Variants in MYOCD observed in about 807,000 individuals in gnomAD.
MYOCD encodes myocardin.
A neutral mutation model predicts 96.1 loss-of-function variants in MYOCD; 32 were observed. The ratio of observed to expected loss-of-function variants is 0.33; its 90% CI spans 0.25 to 0.45. The LOEUF (loss-of-function observed/expected upper bound fraction) is 0.45. MYOCD is among the 20% of genes least tolerant of loss of function. The pLI is 1.00. For missense variants in MYOCD, 1,133 were observed against 1,200.6 expected (o/e 0.94, Z 0.83); for synonymous variants, 469 against 469.0 (o/e 1.00, Z 0.00).
chr17:12,758,198 A>C lies in MYOCD; in HGVS notation c.2316A>C (p.Glu772Asp), dbSNP rs1327919864. ...ISEVTQPPSY[E>D]DAVKQQMTRS... The stretch of plus-strand genomic sequence containing the variant: ...AGGTAACACAGCCTCCATCCTATGA[A>C]GATGCCGTAAAGCAGGTAACCATGT... The change falls in exon 12 of 14, where the codon GAA becomes GAC. Residue 772 changes from glutamate (E) to aspartate (D), a missense_variant. By Grantham distance (45) the Glu-to-Asp change is conservative (BLOSUM62 2). Transcript: ENST00000425538. 1.9e-6 allele frequency: 3 copies of C among 1,614,002 alleles called. No homozygotes were observed. Among genetic ancestry groups the C allele is most frequent in the Non-Finnish European group, 2.5e-6 (3 of 1,179,960 alleles).
chr17:12,736,433 T>G (rs1189645781), intron 6 of MYOCD, 97 bp downstream of exon 6: 20 of 1,305,540 alleles, frequency 1.5e-5, no homozygotes, highest in Non-Finnish European at 2.0e-5. Context: ...CTGGTTTTGC[T>G]TAGAGAATGC....
chr17:12,746,622 G>A (rs183449502), intron 9 of MYOCD, among the ~76,000 whole-genome samples: 153 of 152,168 alleles, frequency 1.0e-3, no homozygotes, highest in Non-Finnish European at 1.9e-3. Context: ...TTGGGAGGCT[G>A]AGGCAGGTGG....
rs1038260599 is a variant in MYOCD, at chr17:12,762,951, T to G, written c.2390-122T>G. 5 of 746,192 alleles carry G rather than the reference T, an allele frequency of 6.7e-6. No homozygotes were observed. In the Admixed American group the frequency reaches 1.3e-4, roughly 20 times the overall value. 46.2% of individuals were successfully genotyped at this position (746,192 alleles called of 1,614,324 possible). A position where few individuals can be genotyped will look rare whatever the true frequency, so the allele number is the denominator to read the frequency against. On this transcript the variant is annotated intron_variant, in intron 13 of 13. Coordinates refer to ENST00000425538, the MANE Select transcript of MYOCD (RefSeq NM_001146312.3). ...TGATAGAGCAGCTTAGAGATGAGAC[T>G]GGGTGGTGAGCGGTGACCAGGGAAG...
At chr17:12,715,383 C>T in intron 2 of MYOCD, 136 bp from the exon 3 acceptor site, 2 of 592,620 alleles carry the variant, frequency 3.4e-6, no homozygotes, top group Non-Finnish European at 5.8e-6. Context: ...GGCCTGTCCT[C>T]TCTCATTGCT....
rs759424722 is a variant in MYOCD at position 12,758,215 on chromosome 17, T to C, written c.2331+2T>C. 21 of 1,613,964 alleles carry C rather than the reference T, an allele frequency of 1.3e-5. No individual in the cohort carries two copies. Among genetic ancestry groups the C allele is most frequent in the Non-Finnish European group, 3.4e-6 (4 of 1,179,944 alleles). On this transcript the variant is annotated splice_donor_variant, in intron 12 of 13. Coordinates refer to ENST00000425538, the MANE Select transcript of MYOCD (RefSeq NM_001146312.3). LOFTEE classifies it high-confidence loss of function. ...TCCTATGAAGATGCCGTAAAGCAGG[T>C]AACCATGTGATTTGTTCTTTATGGA... is the stretch of plus-strand genomic sequence containing the variant.
rs556343028 is a variant in MYOCD at position 12,750,990 on chromosome 17, A to G, written c.1126-1424A>G. Among the ~76,000 whole-genome samples the G allele has an allele frequency of 3.3e-5, 5 of 152,244 alleles. No individual in the cohort carries two copies. In the South Asian group the frequency reaches 1.0e-3, roughly 32 times the overall value. On this transcript the variant is annotated intron_variant, in intron 9 of 13. Transcript: ENST00000425538. The stretch of plus-strand genomic sequence containing the variant: ...TTTGTGTCACAATTCATTTTTCCCA[A>G]GATAGCTATTTGTATTTGCGCTTTG...
rs894602874 is a variant in MYOCD, at chr17:12,753,104, C to G, written c.1816C>G (p.Leu606Val). ...CHPPACEAAQ[L>V]QPLGNAHCVE... ...CCCACCGGCTTGTGAAGCTGCTCAA[C>G]TCCAGCCTCTTGGAAATGCTCATTG... The change falls in exon 10 of 14, where the codon CTC becomes GTC. Residue 606 changes from leucine to valine, a missense_variant. Leu to Val is a conservative substitution (Grantham distance 32). Transcript: ENST00000425538. 3.1e-6 allele frequency: 5 copies of G among 1,614,106 alleles called. No individual in the cohort carries two copies. The African/African-American group carries it at 6.7e-5, about 22-fold the overall frequency.
intron 4 of MYOCD, among the ~76,000 whole-genome samples, chr17:12,717,818 G>A (rs1010990654): frequency 6.6e-6 from 1 of 152,182 alleles, no homozygotes; most frequent in Non-Finnish European, 1.5e-5. Context: ...ATTGTCCTTT[G>A]CTGATGCCTT....
intron 5 of MYOCD, among the ~76,000 whole-genome samples, chr17:12,725,255 C>G (rs956961522): frequency 4.0e-5 from 6 of 151,540 alleles, no homozygotes; most frequent in Admixed American, 2.0e-4. Flanking sequence ...CCTTGGTTCA[C>G]TGGCTGGTAC....
intron 1 of MYOCD, among the ~76,000 whole-genome samples, chr17:12,702,681 TG>T (rs1318150173): frequency 1.1e-3 from 2 of 1,854 alleles, no homozygotes; most frequent in East Asian, 0.11. Flanking sequence ...TTCAATTTAT[TG>T]GGTTTTTTTT....
At chr17:12,703,051 A>G (rs2031145499) in intron 1 of MYOCD, among the ~76,000 whole-genome samples, 1 of 151,944 alleles carries the variant, frequency 6.6e-6, no homozygotes, top group African/African-American at 2.4e-5. Flanking sequence ...CTTGTAAGAA[A>G]TTATATTATT....
At chr17:12,727,934 A>AG (rs1419593973) in intron 5 of MYOCD, among the ~76,000 whole-genome samples, 9 of 152,064 alleles carry the variant, frequency 5.9e-5, no homozygotes, top group African/African-American at 2.2e-4. Flanking sequence ...TTCCAGGTGG[A>AG]GGGAAAAAAA....
intron 12 of MYOCD, chr17:12,760,329 G>A (rs2033133677): frequency 3.0e-6 from 1 of 335,128 alleles, no homozygotes; most frequent in Admixed American, 4.0e-5. Context: ...AAGGAAAATG[G>A]CGGTTGCCAG....
intron 4 of MYOCD, among the ~76,000 whole-genome samples, chr17:12,721,525 A>G (rs1217615067): frequency 6.6e-6 from 1 of 151,844 alleles, no homozygotes; most frequent in Non-Finnish European, 1.5e-5. Context: ...AAGGTGGGGA[A>G]AGGAAATAAG....
intron 1 of MYOCD, among the ~76,000 whole-genome samples, chr17:12,692,675 T>C (rs2030512694): frequency 6.6e-6 from 1 of 152,098 alleles, no homozygotes; most frequent in African/African-American, 2.4e-5. Flanking sequence ...AATGTCACAA[T>C]GTCCTTCAAT....
At chr17:12,760,546 T>G in intron 12 of MYOCD, 104 bp from the exon 13 acceptor site, 1 of 928,296 alleles carries the variant, frequency 1.1e-6, no homozygotes, top group Non-Finnish European at 1.7e-6. Context: ...AAAAAATACC[T>G]TGACCAAACC....
At chr17:12,730,246 C>G (rs138073656) in intron 5 of MYOCD, among the ~76,000 whole-genome samples, 1 of 151,988 alleles carries the variant, frequency 6.6e-6, no homozygotes, top group East Asian at 1.9e-4. Context: ...ATCAGAAGTT[C>G]GAGACCAACC....
chr17:12,745,453 C>A (rs2032635464), intron 8 of MYOCD, among the ~76,000 whole-genome samples: 1 of 152,160 alleles, frequency 6.6e-6, no homozygotes. Context: ...AGGTGATCCA[C>A]CCGCCTCGGC....
rs149918258 is a variant in MYOCD, at chr17:12,763,518, G to A, written c.2835G>A (p.Pro945=). Residue 945 remains proline, a synonymous_variant, in exon 14 of 14, where the codon CCG becomes CCA. Coordinates refer to ENST00000425538, the MANE Select transcript of MYOCD (RefSeq NM_001146312.3). ...WETMEWLDLT[P]PNSTPGFSAL... ...CCATGGAGTGGCTGGACCTCACTCC[G>A]CCAAATTCCACACCAGGCTTTAGCG... is the stretch of plus-strand genomic sequence containing the variant. The A allele has an allele frequency of 3.5e-5, 56 of 1,613,982 alleles. No individual in the cohort carries two copies. Among genetic ancestry groups the A allele is most frequent in the Admixed American group, 6.7e-5 (4 of 59,994 alleles).
Sources: allele counts gnomAD v4.1 joint callset (sites outside exome capture counted in the v4.1 genomes callset), GRCh38; gene constraint gnomAD v4.1.1; transcripts MANE v1.5; gene names NCBI Gene and HGNC (gene_info 2026-07-23, HGNC 2026-07-21).